TRPM3: variants seen among roughly 807,000 people sequenced by gnomAD.
The protein encoded by TRPM3 is transient receptor potential cation channel subfamily M member 3.
Under a neutral mutation model 181.2 loss-of-function variants are expected in TRPM3, and 77 were observed. That is an observed-to-expected ratio of 0.42 (90% CI 0.35 to 0.51). The LOEUF is 0.51. Among genes scored for constraint, TRPM3 ranks in the 20% least tolerant of loss-of-function variants. The pLI, the probability that TRPM3 is intolerant of heterozygous loss-of-function variation, is 0.01. For synonymous variants in TRPM3, 745 were observed against 796.4 expected, an observed-to-expected ratio of 0.94 and a Z score of 1.09; for missense variants, 1,759 against 2,196.7, an observed-to-expected ratio of 0.80 and a Z score of 3.98.
chr9:71,258,282 C>A (rs1056863333), intron 1 of TRPM3, among the ~76,000 whole-genome samples: 3 of 152,132 alleles, frequency 2.0e-5, no homozygotes, highest in African/African-American at 7.2e-5. Context: ...GTTCATGCTG[C>A]TGGTTGGAAA....
intron 22 of TRPM3, among the ~76,000 whole-genome samples, chr9:70,564,891 A>G (rs1297809485): frequency 1.3e-5 from 2 of 152,234 alleles, no homozygotes; most frequent in East Asian, 1.9e-4. Flanking sequence ...CTGGTAAGAG[A>G]CAATGCAAGA....
intron 7 of TRPM3, chr9:70,783,770 G>A (rs2130844052): frequency 2.3e-6 from 2 of 856,096 alleles, no homozygotes; most frequent in South Asian, 9.6e-5. Context: ...TGTGCTTCAT[G>A]TGTTAAAACT....
chr9:71,248,341 T>C (rs1015641823), intron 1 of TRPM3, among the ~76,000 whole-genome samples: 69 of 152,260 alleles, frequency 4.5e-4, no homozygotes, highest in African/African-American at 1.5e-3. Flanking sequence ...CCTCTGGGTA[T>C]GGTAAGGTGG....
intron 1 of TRPM3, among the ~76,000 whole-genome samples, chr9:71,317,870 G>A (rs1014259645): frequency 6.6e-6 from 1 of 151,846 alleles, no homozygotes; most frequent in Non-Finnish European, 1.5e-5. Flanking sequence ...TTCTGGCTAG[G>A]ACCAAATTTT....
At chr9:71,399,604 C>T (rs1393054672) in intron 1 of TRPM3, among the ~76,000 whole-genome samples, 1 of 139,572 alleles carries the variant, frequency 7.2e-6, no homozygotes, top group Non-Finnish European at 1.5e-5. Context: ...TCTTGGCTCA[C>T]TGCAAGCTCC....
intron 22 of TRPM3, among the ~76,000 whole-genome samples, chr9:70,590,347 TG>T (rs1360363195): frequency 6.6e-6 from 1 of 152,164 alleles, no homozygotes; most frequent in East Asian, 1.9e-4. Context: ...CATGAAACCT[TG>T]GGGGCTTGCT....
At chr9:70,942,582 A>G (rs1408297230) in intron 1 of TRPM3, among the ~76,000 whole-genome samples, 2 of 152,110 alleles carry the variant, frequency 1.3e-5, no homozygotes, top group African/African-American at 4.8e-5. Flanking sequence ...GTTTTTTCCA[A>G]CTTTTCCAGT....
At chr9:70,582,572 C>G (rs986905936) in intron 22 of TRPM3, among the ~76,000 whole-genome samples, 2 of 152,142 alleles carry the variant, frequency 1.3e-5, no homozygotes, top group African/African-American at 4.8e-5. Context: ...ACAGTGCTAT[C>G]TAATTCAGTG....
intron 1 of TRPM3, among the ~76,000 whole-genome samples, chr9:71,154,962 A>G (rs946174991): frequency 6.6e-6 from 1 of 152,176 alleles, no homozygotes; most frequent in African/African-American, 2.4e-5. Flanking sequence ...ACTTTTTTTG[A>G]CAGTCTAAAA....
intron 1 of TRPM3, among the ~76,000 whole-genome samples, chr9:71,046,046 G>A (rs965568351): frequency 2.6e-5 from 4 of 151,206 alleles, no homozygotes; most frequent in Admixed American, 1.3e-4. Flanking sequence ...GTGCAGTGGC[G>A]CAATCTTGGC....
chr9:70,738,274 T>C (rs908515430), intron 8 of TRPM3, among the ~76,000 whole-genome samples: 2 of 152,214 alleles, frequency 1.3e-5, no homozygotes, highest in African/African-American at 4.8e-5. Flanking sequence ...GAATGATTAT[T>C]GGGTGAACCA....
chr9:71,042,329 AC>A (rs1239870192), intron 1 of TRPM3, among the ~76,000 whole-genome samples: 1 of 152,222 alleles, frequency 6.6e-6, no homozygotes, highest in Non-Finnish European at 1.5e-5. Flanking sequence ...TACATATTAC[AC>A]AGCATTTCCC....
chr9:71,030,065 C>A (rs2057090697), intron 1 of TRPM3, among the ~76,000 whole-genome samples: 1 of 152,184 alleles, frequency 6.6e-6, no homozygotes, highest in African/African-American at 2.4e-5. Context: ...AGTATAAGAT[C>A]TCTAAGTATA....
chr9:70,624,853 T>C (rs534191681), intron 14 of TRPM3, among the ~76,000 whole-genome samples: 1 of 152,354 alleles, frequency 6.6e-6, no homozygotes, highest in South Asian at 2.1e-4. Context: ...ATGGGATTCC[T>C]ATGTTTAACT....
chr9:70,978,456 AG>A (rs1247998947), intron 1 of TRPM3, among the ~76,000 whole-genome samples: 1 of 152,172 alleles, frequency 6.6e-6, no homozygotes, highest in African/African-American at 2.4e-5. Context: ...AAAATCTCCT[AG>A]GGGTTTTTTT....
chr9:70,869,050 G>A, intron 1 of TRPM3: 5 of 985,164 alleles, frequency 5.1e-6, no homozygotes, highest in Non-Finnish European at 6.0e-6. Context: ...CTTTCATTTT[G>A]CTGCAGCTAG....
At chr9:70,777,753 G>A (rs2081644187) in intron 7 of TRPM3, among the ~76,000 whole-genome samples, 1 of 152,024 alleles carries the variant, frequency 6.6e-6, no homozygotes, top group Non-Finnish European at 1.5e-5. Flanking sequence ...CTTGAGGAAA[G>A]TTATACTACT....
At chr9:70,627,443 G>T (rs1449046896) in intron 12 of TRPM3, among the ~76,000 whole-genome samples, 1 of 151,402 alleles carries the variant, frequency 6.6e-6, no homozygotes, top group Non-Finnish European at 1.5e-5. Context: ...CAGCTAATTT[G>T]TGTATTTTTA....
At chr9:71,351,058 T>G (rs2091597045) in intron 1 of TRPM3, among the ~76,000 whole-genome samples, 1 of 152,170 alleles carries the variant, frequency 6.6e-6, no homozygotes, top group Non-Finnish European at 1.5e-5. Flanking sequence ...TGTGACAGGA[T>G]CTGATTGGGT....
Sources: gnomAD v4.1 joint callset for allele counts (sites outside exome capture counted in the v4.1 genomes callset) on GRCh38, gnomAD v4.1.1 for gene constraint, MANE v1.5 for transcripts, NCBI Gene and HGNC (gene_info 2026-07-23, HGNC 2026-07-21) for gene names.